The following PSD2 variants were observed in gnomAD, a reference collection of about 807,000 sequenced individuals.
PSD2 encodes the protein PH and SEC7 domain-containing protein 2.
In PSD2, 38 loss-of-function variants were observed where a neutral mutation model predicts 69.8. The observed-to-expected ratio is 0.54, with a 90% CI of 0.42 to 0.71. PSD2 has a LOEUF of 0.71. PSD2 is among the 30% of genes least tolerant of loss of function. PSD2 has a pLI of 0.00. For missense variants in PSD2, 943 were observed against 1,014.5 expected (o/e 0.93, Z 0.96); for synonymous variants, 412 against 423.0 (o/e 0.97, Z 0.32).
the PSD2 span, chr5:139,775,256 G>C: frequency 2.6e-5 from 4 of 152,428 alleles, no homozygotes; most frequent in Non-Finnish European, 5.9e-5. Context: ...ACTGTCTCCG[G>C]GAGTGGCGGG....
At chr5:139,835,342 TC>T (rs1760690414) in intron 8 of PSD2, among the ~76,000 whole-genome samples, 1 of 150,936 alleles carries the variant, frequency 6.6e-6, no homozygotes, top group Admixed American at 6.6e-5. Context: ...CCTGTCCACT[TC>T]CCCATCCATC....
chr5:139,796,535 C>A (rs532482387), intron 1 of PSD2, among the ~76,000 whole-genome samples: 117 of 152,326 alleles, frequency 7.7e-4, no homozygotes, highest in African/African-American at 2.7e-3. Context: ...GGGGCTCGCA[C>A]GGGGGCGTGG....
chr5:139,813,340 G>C lies in PSD2; in HGVS notation c.403G>C (p.Asp135His), dbSNP rs1760021277. 1 of 1,570,656 alleles carries C rather than the reference G, an allele frequency of 6.4e-7. No homozygotes were observed. Among genetic ancestry groups the C allele is most frequent in the Non-Finnish European group, 8.7e-7 (1 of 1,152,302 alleles). The change falls in exon 3 of 15, where the codon GAT becomes CAT. Residue 135 changes from aspartate to histidine, a missense_variant. This residue lies in a region of PSD2 where 466 missense variants were observed against 445.0 expected (regional missense o/e 1.05). Transcript: ENST00000274710. ...TGGTCCCGGGGAGCCAGATGTGCGG[G>C]ATGGCTTCAGCGCCACGTTTGAGAA... ...LDGPGEPDVR[D>H]GFSATFEKIL... is the part of the protein sequence containing the mutation.
At chr5:139,766,888 C>CT in the PSD2 span, among the ~76,000 whole-genome samples, 9 of 71,138 alleles carry the variant, frequency 1.3e-4, no homozygotes, top group African/African-American at 2.1e-4. Flanking sequence ...TCTTTCTTTC[C>CT]TTCTTTCCCT....
At chr5:139,800,431 T>TTG (rs972624183) in intron 1 of PSD2, among the ~76,000 whole-genome samples, 4 of 152,000 alleles carry the variant, frequency 2.6e-5, no homozygotes, top group Non-Finnish European at 5.9e-5. Context: ...CACTTGCTCT[T>TTG]TGTGTGTGTG....
At chr5:139,813,956 G>C (rs998482830) in intron 3 of PSD2, among the ~76,000 whole-genome samples, 198 bp downstream of exon 3, 1 of 152,182 alleles carries the variant, frequency 6.6e-6, no homozygotes, top group African/African-American at 2.4e-5. Context: ...TCTCAGCCCC[G>C]GTAGAAGTCG....
At chr5:139,815,855 G>A (rs1409684618) in intron 4 of PSD2, among the ~76,000 whole-genome samples, 4 of 151,866 alleles carry the variant, frequency 2.6e-5, no homozygotes, top group African/African-American at 7.3e-5. Flanking sequence ...TTAGCTGGGC[G>A]CTGTGGTGGT....
At chr5:139,760,440 C>A in the PSD2 span, among the ~76,000 whole-genome samples, 3 of 152,180 alleles carry the variant, frequency 2.0e-5, no homozygotes, top group Non-Finnish European at 4.4e-5. Context: ...CCTTCCTGTT[C>A]TGTCAGGGTC....
At chr5:139,799,621 G>A (rs1299726304) in intron 1 of PSD2, among the ~76,000 whole-genome samples, 2 of 152,260 alleles carry the variant, frequency 1.3e-5, no homozygotes, top group African/African-American at 4.8e-5. Flanking sequence ...ATGGAGTGGG[G>A]CTGACTGGGC....
At position 139,813,327 on chromosome 5, in the gene PSD2, G is replaced by T. The variant is rs776357141; in HGVS notation, c.390G>T (p.Glu130Asp). ...CCCACAGGTTGGATGGTCCCGGGGA[G>T]CCAGATGTGCGGGATGGCTTCAGCG... ...DPQLGLDGPG[E>D]PDVRDGFSAT... The change falls in exon 3 of 15, where the codon GAG becomes GAT. Residue 130 changes from glutamate (E) to aspartate (D), a missense_variant. Glu to Asp is a conservative substitution (Grantham distance 45). Coordinates refer to ENST00000274710, the MANE Select transcript of PSD2 (RefSeq NM_032289.4). 1.3e-6 allele frequency: 2 copies of T among 1,558,688 alleles called. No individual in the cohort carries two copies. The highest frequency in any genetic ancestry group is 2.4e-5 in the South Asian group (2 of 83,268).
intron 1 of PSD2, among the ~76,000 whole-genome samples, chr5:139,804,983 G>GTGCA (rs1306395784): frequency 6.6e-6 from 1 of 151,604 alleles, no homozygotes. Flanking sequence ...GCGTGCGTGT[G>GTGCA]TGCATGTGTG....
At chr5:139,758,658 G>T in the PSD2 span, among the ~76,000 whole-genome samples, 3 of 152,164 alleles carry the variant, frequency 2.0e-5, 1 homozygote, top group African/African-American at 7.2e-5. Flanking sequence ...TGCTCCCTGC[G>T]TCCGGGAACT....
At chr5:139,750,047 T>C in the PSD2 span, among the ~76,000 whole-genome samples, 34,314 of 146,476 alleles carry the variant, frequency 0.23, 5,066 homozygotes, top group African/African-American at 0.44. Flanking sequence ...AAAACCAGGC[T>C]GGGTGTGGTG....
chr5:139,787,740 C>A, the PSD2 span, among the ~76,000 whole-genome samples: 1 of 152,244 alleles, frequency 6.6e-6, no homozygotes. Flanking sequence ...CGATCTTTCC[C>A]GCTGCACGGG....
intron 2 of PSD2, among the ~76,000 whole-genome samples, chr5:139,812,175 T>G (rs1373244373): frequency 2.6e-5 from 4 of 152,138 alleles, no homozygotes; most frequent in African/African-American, 9.7e-5. Flanking sequence ...CGATAAATAT[T>G]AAAACAATAA....
intron 5 of PSD2, among the ~76,000 whole-genome samples, chr5:139,819,937 G>A (rs547261118): frequency 2.6e-5 from 4 of 152,334 alleles, no homozygotes; most frequent in African/African-American, 9.6e-5. Context: ...GAAGGTACTG[G>A]CTGCAAAGCA....
chr5:139,746,542 C>T, the PSD2 span, among the ~76,000 whole-genome samples: 1 of 152,168 alleles, frequency 6.6e-6, no homozygotes, highest in Non-Finnish European at 1.5e-5. The surrounding 1 kb of genome is among the most constrained non-coding windows in gnomAD (Gnocchi z 4.5). Context: ...GGGTGTTATT[C>T]TGGTACAGAA....
In PSD2 at chr5:139,814,693, A is replaced by G. The variant is rs1760073857; in HGVS notation, c.1016+329A>G. Reference sequence around the variant, plus strand: ...AGCCAGCAGGAGCTGGGCCCAGCTAATGGGGCCAGGGAGAAAGGAGAACCC... The same window carrying G: ...AGCCAGCAGGAGCTGGGCCCAGCTAGTGGGGCCAGGGAGAAAGGAGAACCC... On this transcript the variant is annotated intron_variant, in intron 4 of 14. Transcript: ENST00000274710. This position sits in a 1 kb window ranked among gnomAD's most constrained non-coding sequence, Gnocchi z 4.4. 6.6e-6 allele frequency among the ~76,000 whole-genome samples: 1 copy of G among 151,954 alleles called. No individual in the cohort carries two copies. The highest frequency in any genetic ancestry group is 6.5e-5 in the Admixed American group (1 of 15,274).
chr5:139,752,586 A>G, the PSD2 span, among the ~76,000 whole-genome samples: 1 of 152,160 alleles, frequency 6.6e-6, no homozygotes, highest in Non-Finnish European at 1.5e-5. Context: ...ATTGGAGCAT[A>G]TTGCATATGC....
Sources: allele counts gnomAD v4.1 joint callset (sites outside exome capture counted in the v4.1 genomes callset), GRCh38; gene constraint gnomAD v4.1.1; regional missense constraint gnomAD v4.1.1; non-coding constraint Gnocchi (gnomAD v3.1); transcripts MANE v1.5; gene names NCBI Gene and HGNC (gene_info 2026-07-23, HGNC 2026-07-21).